The following E4F1 variants were observed in gnomAD, a reference collection of about 807,000 sequenced individuals.
E4F1 encodes transcription factor E4F1.
A neutral mutation model predicts 72.9 loss-of-function variants in E4F1; 30 were observed. The ratio of observed to expected loss-of-function variants is 0.41; its 90% CI spans 0.31 to 0.56. E4F1 has a LOEUF of 0.56. E4F1 is among the 20% of genes least tolerant of loss of function. The pLI is 0.25. For missense variants in E4F1, 1,091 were observed against 1,117.5 expected (o/e 0.98, Z 0.34); for synonymous variants, 542 against 478.2 (o/e 1.13, Z -1.74).
intron 1 of E4F1, 170 bp from the exon 2 acceptor site, chr16:2,228,202 G>T: frequency 1.2e-6 from 1 of 858,712 alleles, no homozygotes; most frequent in Non-Finnish European, 1.9e-6. Flanking sequence ...GCTGTACCTT[G>T]GGATGACCTT....
Position 2,234,940 on chromosome 16 carries a change from C to A in E4F1, c.1874C>A (p.Pro625Gln), listed in dbSNP as rs777200166. Residue 625 changes from proline to glutamine, a missense_variant, in exon 12 of 14, where the codon CCG becomes CAG. This residue lies in a region of E4F1 where 622 missense variants were observed against 628.0 expected (regional missense o/e 0.99). Coordinates refer to ENST00000301727, the MANE Select transcript of E4F1 (RefSeq NM_004424.5). Reference sequence around the variant, plus strand: ...GCCACCACCGTCCTCACGGAAGACCCGCACACAGTGTTGGTGGAGTTCTCG... The same window carrying A: ...GCCACCACCGTCCTCACGGAAGACCAGCACACAGTGTTGGTGGAGTTCTCG... Reference protein sequence around the residue: ...AAATTVLTEDPHTVLVEFSSV... With the variant: ...AAATTVLTEDQHTVLVEFSSV... 1 of 1,576,410 alleles carries A rather than the reference C, an allele frequency of 6.3e-7. No homozygotes were observed. The highest frequency in any genetic ancestry group is 2.3e-5 in the East Asian group (1 of 42,804).
chr16:2,233,698 C>A, intron 8 of E4F1, 51 bp downstream of exon 8: 1 of 1,508,774 alleles, frequency 6.6e-7, no homozygotes, highest in Middle Eastern at 2.3e-4. Flanking sequence ...ATCCCAGGGG[C>A]TGTCCCCACG....
At chr16:2,234,805 G>T in intron 11 of E4F1, 24 bp downstream of exon 11, 1 of 1,542,576 alleles carries the variant, frequency 6.5e-7, no homozygotes, top group Non-Finnish European at 8.8e-7. Context: ...GAGGTGGGAG[G>T]GGGAGGGGAG....
At chr16:2,225,464 G>A (rs1400738021) in intron 1 of E4F1, among the ~76,000 whole-genome samples, 5 of 149,988 alleles carry the variant, frequency 3.3e-5, no homozygotes, top group African/African-American at 1.2e-4. Flanking sequence ...GTAAGACCCC[G>A]TCTCTATTTT....
chr16:2,233,372 GC>G, intron 7 of E4F1, 65 bp from the exon 8 acceptor site: 1 of 1,453,576 alleles, frequency 6.9e-7, no homozygotes, highest in Non-Finnish European at 9.1e-7. Flanking sequence ...GCGTGCGTCT[GC>G]CCCATGGGGT....
At chr16:2,233,707 C>G (rs770518103) in intron 8 of E4F1, 60 bp downstream of exon 8, 3 of 1,497,854 alleles carry the variant, frequency 2.0e-6, no homozygotes, top group Non-Finnish European at 2.7e-6. Context: ...GCTGTCCCCA[C>G]GCTGGCCTTC....
chr16:2,232,653 C>T (rs2093475218), intron 5 of E4F1, 77 bp downstream of exon 5: 3 of 1,604,418 alleles, frequency 1.9e-6, no homozygotes, highest in Non-Finnish European at 2.6e-6. Context: ...CCTCGCATTC[C>T]CCAGCTTTGG....
intron 1 of E4F1, among the ~76,000 whole-genome samples, chr16:2,224,721 T>TG (rs1396422769): frequency 4.0e-5 from 6 of 151,632 alleles, no homozygotes; most frequent in Non-Finnish European, 8.8e-5. Flanking sequence ...AGGTGGAGCT[T>TG]GCGGTGAGCC....
intron 1 of E4F1, 99 bp downstream of exon 1, chr16:2,223,869 C>T: frequency 3.3e-6 from 5 of 1,532,666 alleles, no homozygotes; most frequent in South Asian, 1.2e-5. Flanking sequence ...GACCGACCCT[C>T]CCAGACCCAG....
Position 2,228,611 on chromosome 16 carries a change from C to T in E4F1, c.309+88C>T, listed in dbSNP as rs1332554340. ...GCGCTTCAGGATGGACCTGTGCAGC[C>T]GGTTCCGGGGGCCACGTGGGCGGGC... On this transcript the variant is annotated intron_variant, in intron 2 of 13. Coordinates refer to ENST00000301727, the MANE Select transcript of E4F1 (RefSeq NM_004424.5). 4.5e-5 allele frequency: 67 copies of T among 1,497,068 alleles called. 1 individual carries two copies. The highest frequency in any genetic ancestry group is 2.3e-4 in the Middle Eastern group (1 of 4,270). The allele number at this position is 1,497,068 out of a possible 1,614,324, so 92.7% of individuals were successfully genotyped here.
chr16:2,229,953 G>A (rs2093457162), intron 3 of E4F1: 1 of 413,686 alleles, frequency 2.4e-6, no homozygotes, highest in Admixed American at 3.5e-5. Context: ...GGTGGTCTCT[G>A]CCGTGTCCCT....
At chr16:2,232,134 G>T in intron 3 of E4F1, 37 bp from the exon 4 acceptor site, 5 of 1,602,648 alleles carry the variant, frequency 3.1e-6, no homozygotes, top group Non-Finnish European at 4.2e-6. Flanking sequence ...CTGGACAGGG[G>T]CAGGTCCTGG....
intron 3 of E4F1, chr16:2,231,407 T>C (rs558844494): frequency 6.6e-6 from 1 of 152,402 alleles, no homozygotes; most frequent in Non-Finnish European, 1.5e-5. Flanking sequence ...AGGCTCTTAA[T>C]TGTTTCTGAG....
chr16:2,228,068 TG>T (rs2093442659), intron 1 of E4F1, among the ~76,000 whole-genome samples: 1 of 152,078 alleles, frequency 6.6e-6, no homozygotes, highest in South Asian at 2.1e-4. Flanking sequence ...GTCGCTGAGG[TG>T]GGTTTTGAGC....
intron 1 of E4F1, among the ~76,000 whole-genome samples, chr16:2,224,122 C>T (rs2141424705): frequency 6.6e-6 from 1 of 152,384 alleles, no homozygotes; most frequent in South Asian, 2.1e-4. Context: ...CCCCTTCCTC[C>T]TGCACCTGAT....
chr16:2,224,021 C>T (rs2093415663), intron 1 of E4F1: 1 of 1,399,372 alleles, frequency 7.1e-7, no homozygotes, highest in South Asian at 1.5e-5. Flanking sequence ...GTTGCTGAGC[C>T]CCCGGGCGCC....
At chr16:2,234,448 G>A in intron 10 of E4F1, 60 bp downstream of exon 10, 1 of 1,597,242 alleles carries the variant, frequency 6.3e-7, no homozygotes, top group Non-Finnish European at 8.6e-7. Context: ...CCTGGCCGTG[G>A]CCCAGGTGCA....
intron 2 of E4F1, 46 bp from the exon 3 acceptor site, chr16:2,229,523 CT>C: frequency 6.3e-7 from 1 of 1,580,110 alleles, no homozygotes; most frequent in Non-Finnish European, 8.6e-7. Flanking sequence ...TGAGAACTAA[CT>C]CTGGAGCATA....
chr16:2,233,227 C>T, intron 7 of E4F1, 44 bp downstream of exon 7: 5 of 1,557,030 alleles, frequency 3.2e-6, no homozygotes, highest in Non-Finnish European at 4.3e-6. Context: ...TGTCTTCTGC[C>T]TGCTCGGTGC....
Sources: allele counts gnomAD v4.1 joint callset (sites outside exome capture counted in the v4.1 genomes callset), GRCh38; gene constraint gnomAD v4.1.1; regional missense constraint gnomAD v4.1.1; transcripts MANE v1.5; gene names NCBI Gene and HGNC (gene_info 2026-07-23, HGNC 2026-07-21).